The following ASPH variants were observed in gnomAD, a reference collection of about 807,000 sequenced individuals.
ASPH encodes the protein aspartyl/asparaginyl beta-hydroxylase.
ASPH carries 100 observed loss-of-function variants against 118.4 expected under a neutral mutation model. The ratio of observed to expected loss-of-function variants is 0.84; its 90% CI spans 0.72 to 1.00. The LOEUF (loss-of-function observed/expected upper bound fraction) is 1.00. Ranked by LOEUF, ASPH falls within the 50% of genes least tolerant of loss-of-function variation. The pLI is 0.00. For missense variants in ASPH, 920 were observed against 919.5 expected, an observed-to-expected ratio of 1.00 and a Z score of -0.01; for synonymous variants, 315 against 325.6, an observed-to-expected ratio of 0.97 and a Z score of 0.35.
intron 3 of ASPH, chr8:61,664,404 T>C (rs763314780): frequency 3.0e-5 from 29 of 975,228 alleles, no homozygotes; most frequent in Non-Finnish European, 3.4e-5. Context: ...ATTCTAAGAC[T>C]ATAAAGGTAT....
At chr8:61,524,904 T>C (rs1814675989) in intron 22 of ASPH, among the ~76,000 whole-genome samples, 1 of 152,160 alleles carries the variant, frequency 6.6e-6, no homozygotes, top group African/African-American at 2.4e-5. Flanking sequence ...TAAGTGCCAA[T>C]AGAATGGACT....
intron 4 of ASPH, 105 bp from the exon 5 acceptor site, chr8:61,651,229 T>C: frequency 2.2e-6 from 2 of 915,816 alleles, no homozygotes; most frequent in Non-Finnish European, 3.3e-6. Context: ...ATGAATATAT[T>C]TGACTAAGCA....
intron 3 of ASPH, chr8:61,657,594 A>C (rs1814395539): frequency 6.6e-6 from 1 of 152,176 alleles, no homozygotes; most frequent in South Asian, 2.1e-4. Flanking sequence ...TCCTTAACCA[A>C]AATGATAGCA....
chr8:61,706,886 C>T (rs947076954), intron 1 of ASPH, among the ~76,000 whole-genome samples: 3 of 152,260 alleles, frequency 2.0e-5, no homozygotes, highest in South Asian at 2.1e-4. Flanking sequence ...GACAAATCAA[C>T]TAACAGTACA....
At chr8:61,597,879 GA>G (rs1218032183) in intron 14 of ASPH, among the ~76,000 whole-genome samples, 2 of 152,158 alleles carry the variant, frequency 1.3e-5, no homozygotes, top group East Asian at 1.9e-4. Context: ...AAATGCCTAA[GA>G]GGGTCCTATA....
chr8:61,645,927 G>A (rs1365776202), intron 6 of ASPH, among the ~76,000 whole-genome samples: 1 of 152,208 alleles, frequency 6.6e-6, no homozygotes, highest in African/African-American at 2.4e-5. Flanking sequence ...GCTCATGCCT[G>A]CAATCCCAAC....
intron 1 of ASPH, 119 bp downstream of exon 1, chr8:61,714,150 C>CG (rs1185615068): frequency 7.9e-7 from 1 of 1,262,752 alleles, no homozygotes; most frequent in Non-Finnish European, 1.0e-6. Flanking sequence ...AGGAGCGTCG[C>CG]GGGGGATGGA....
Position 61,562,735 on chromosome 8 carries a change from G to T in ASPH, c.1437+9C>A. On this transcript the variant is annotated intron_variant, in intron 18 of 24. Coordinates refer to ENST00000379454, the MANE Select transcript of ASPH (RefSeq NM_004318.4). ...AATTTGACGTAGTTAATACAAGATT[G>T]ATGCTTACCTCTTCATAAACTTTCT... The T allele has an allele frequency of 6.3e-7, 1 of 1,598,454 alleles. No homozygotes were observed. The highest frequency in any genetic ancestry group is 8.5e-7 in the Non-Finnish European group (1 of 1,174,038).
chr8:61,689,643 C>A (rs1186560908), intron 1 of ASPH: 1 of 1,567,762 alleles, frequency 6.4e-7, no homozygotes, highest in Non-Finnish European at 8.7e-7. Context: ...AGATCTAAAG[C>A]CACTTTTAGC....
chr8:61,699,330 G>T (rs1041830915), intron 1 of ASPH, among the ~76,000 whole-genome samples: 1 of 152,208 alleles, frequency 6.6e-6, no homozygotes, highest in Admixed American at 6.5e-5. Flanking sequence ...CACTTCTGTA[G>T]AATAGTGAAT....
chr8:61,509,290 T>C (rs1353599790), intron 24 of ASPH, among the ~76,000 whole-genome samples: 1 of 152,194 alleles, frequency 6.6e-6, no homozygotes, highest in East Asian at 1.9e-4. Context: ...AATAAAAGAA[T>C]GGATACTCCA....
intron 14 of ASPH, among the ~76,000 whole-genome samples, chr8:61,598,639 T>G (rs1843094193): frequency 1.3e-5 from 2 of 152,220 alleles, no homozygotes; most frequent in South Asian, 2.1e-4. Context: ...TTAGACCAAA[T>G]GGACTTAACA....
intron 3 of ASPH, chr8:61,657,581 C>G (rs956270240): frequency 6.6e-6 from 1 of 152,158 alleles, no homozygotes; most frequent in Admixed American, 6.5e-5. Context: ...TACATGCAGT[C>G]CATCCTTAAC....
chr8:61,552,779 G>C (rs1451767715), intron 20 of ASPH, among the ~76,000 whole-genome samples: 3 of 152,088 alleles, frequency 2.0e-5, no homozygotes, highest in Non-Finnish European at 4.4e-5. Context: ...TACCAACTTA[G>C]AGATTGCTTT....
chr8:61,600,678 A>G (rs975638170), intron 14 of ASPH, among the ~76,000 whole-genome samples: 3 of 151,532 alleles, frequency 2.0e-5, no homozygotes, highest in East Asian at 3.8e-4. Context: ...GTAAAAGAGG[A>G]AAATTGGAAC....
chr8:61,623,075 T>C (rs1851552614), intron 13 of ASPH, among the ~76,000 whole-genome samples: 1 of 152,156 alleles, frequency 6.6e-6, no homozygotes, highest in Non-Finnish European at 1.5e-5. Context: ...GAAATTAATA[T>C]CCTCCCATTA....
At chr8:61,636,970 A>T (rs1327860807) in intron 12 of ASPH, among the ~76,000 whole-genome samples, 1 of 152,128 alleles carries the variant, frequency 6.6e-6, no homozygotes, top group African/African-American at 2.4e-5. Context: ...CTAAGCGGAC[A>T]CAGACAGCAA....
Position 61,503,400 on chromosome 8 carries a change from C to A in ASPH, c.2236G>T (p.Glu746Ter), listed in dbSNP as rs776266998. The change falls in exon 25 of 25, where the codon GAA becomes TAA. Residue 746 changes from glutamate to a stop codon, truncating the protein, a stop_gained. Coordinates refer to ENST00000379454, the MANE Select transcript of ASPH (RefSeq NM_004318.4). LOFTEE classifies it high-confidence loss of function. ...LIFIVDVWHP[E>*]LTPQQRRSLP... The stretch of plus-strand genomic sequence containing the variant: ...CTGCGTCTCTGCTGTGGTGTCAGTT[C>A]CGGATGCCACACATCCACGATGAAT... The A allele has an allele frequency of 1.9e-6, 3 of 1,612,558 alleles. No homozygotes were observed. The highest frequency in any genetic ancestry group is 2.5e-6 in the Non-Finnish European group (3 of 1,179,414).
chr8:61,559,950 G>C (rs961303369), intron 18 of ASPH, among the ~76,000 whole-genome samples: 1 of 149,952 alleles, frequency 6.7e-6, no homozygotes, highest in Non-Finnish European at 1.5e-5. Context: ...TTGGGGGGGG[G>C]AGCAAGCTAG....
Sources: gnomAD v4.1 joint callset for allele counts (sites outside exome capture counted in the v4.1 genomes callset) on GRCh38, gnomAD v4.1.1 for gene constraint, MANE v1.5 for transcripts, NCBI Gene and HGNC (gene_info 2026-07-23, HGNC 2026-07-21) for gene names.